Variants in RNF150 observed in about 807,000 individuals in gnomAD.
The protein encoded by RNF150 is ring finger protein 150.
A neutral mutation model predicts 39.3 loss-of-function variants in RNF150; 24 were observed. The ratio of observed to expected loss-of-function variants is 0.61; its 90% CI spans 0.44 to 0.86. RNF150 has a LOEUF of 0.86. Among genes scored for constraint, RNF150 ranks in the 40% least tolerant of loss-of-function variants. The pLI is 0.00. For missense variants in RNF150, 502 were observed against 587.8 expected, an observed-to-expected ratio of 0.85 and a Z score of 1.51; for synonymous variants, 255 against 227.3, an observed-to-expected ratio of 1.12 and a Z score of -1.10.
intron 1 of RNF150, among the ~76,000 whole-genome samples, chr4:141,164,770 C>T (rs1727571651): frequency 6.6e-6 from 1 of 152,192 alleles, no homozygotes; most frequent in Admixed American, 6.5e-5. Context: ...CATTTTGTCA[C>T]CACCAGGCTT....
At chr4:141,071,479 G>T in intron 1 of RNF150, among the ~76,000 whole-genome samples, 1 of 151,878 alleles carries the variant, frequency 6.6e-6, no homozygotes, top group Non-Finnish European at 1.5e-5. Flanking sequence ...CAAGAAAAAA[G>T]GAAATAGGAA....
intron 1 of RNF150, among the ~76,000 whole-genome samples, chr4:140,999,682 C>G (rs1470848959): frequency 6.6e-6 from 1 of 152,030 alleles, no homozygotes; most frequent in Non-Finnish European, 1.5e-5. Context: ...CATCTGTAAT[C>G]TCAGCACTTT....
chr4:141,018,037 G>A (rs1735345838), intron 1 of RNF150, among the ~76,000 whole-genome samples: 1 of 152,004 alleles, frequency 6.6e-6, no homozygotes, highest in African/African-American at 2.4e-5. Flanking sequence ...TAACAGTTAG[G>A]GGCTTAAAAG....
Position 141,183,751 on chromosome 4 carries a change from T to G in RNF150, c.-6+29043A>C, listed in dbSNP as rs185081611. ...CAACTCCCACTTATGAGTGAGAACA[T>G]GCACTGTTTGGTTTTCTGTTCCTGT... On this transcript the variant is annotated intron_variant, in intron 1 of 7. Transcript: ENST00000420921. Among the ~76,000 whole-genome samples the G allele has an allele frequency of 8.5e-5, 13 of 152,226 alleles. No homozygotes were observed. In the East Asian group the frequency reaches 1.9e-3, roughly 23 times the overall value.
chr4:141,206,506 C>G (rs17349862), intron 1 of RNF150, among the ~76,000 whole-genome samples: 92,673 of 150,582 alleles, frequency 0.62, 31,005 homozygotes, highest in African/African-American at 0.88. Flanking sequence ...GGTCATAAAG[C>G]TTTCAAATGA....
chr4:140,949,455 A>G, intron 2 of RNF150, 83 bp from the exon 3 acceptor site: 1 of 1,163,206 alleles, frequency 8.6e-7, no homozygotes, highest in Non-Finnish European at 1.3e-6. Context: ...ACACCAGGGC[A>G]GCTAGCTCTG....
At chr4:141,134,170 C>A (rs1353130229), upstream of RNF150, among the ~76,000 whole-genome samples, 1 of 152,174 alleles carries the variant, frequency 6.6e-6, no homozygotes, top group African/African-American at 2.4e-5. Flanking sequence ...GGACTCGCAG[C>A]ACCAACAGGC....
chr4:140,971,621 T>C (rs1733468896), intron 1 of RNF150, among the ~76,000 whole-genome samples: 2 of 152,134 alleles, frequency 1.3e-5, no homozygotes, highest in African/African-American at 4.8e-5. Flanking sequence ...AGGACACATA[T>C]GACCTGGCTG....
At chr4:141,072,510 A>T (rs1196093366) in intron 1 of RNF150, among the ~76,000 whole-genome samples, 3 of 152,212 alleles carry the variant, frequency 2.0e-5, no homozygotes, top group African/African-American at 7.2e-5. Context: ...TTTAAAATTT[A>T]TCTCATCTTT....
chr4:141,188,342 G>A (rs1243750527), intron 1 of RNF150, among the ~76,000 whole-genome samples: 18 of 152,094 alleles, frequency 1.2e-4, no homozygotes, highest in Admixed American at 1.2e-3. Flanking sequence ...TGTTCTTCTT[G>A]AGGAGTATCT....
chr4:140,994,140 G>A (rs1045518284), intron 1 of RNF150, among the ~76,000 whole-genome samples: 4 of 152,156 alleles, frequency 2.6e-5, no homozygotes, highest in Non-Finnish European at 5.9e-5. Context: ...AGAACTGCTC[G>A]TGGAAGGAAT....
intron 1 of RNF150, among the ~76,000 whole-genome samples, chr4:141,045,196 T>C (rs949482547): frequency 1.9e-4 from 29 of 152,210 alleles, no homozygotes; most frequent in Admixed American, 1.2e-3. Flanking sequence ...TGTAATGAAG[T>C]AGAATGCCAA....
At chr4:141,044,182 C>T (rs934958106) in intron 1 of RNF150, among the ~76,000 whole-genome samples, 10 of 152,126 alleles carry the variant, frequency 6.6e-5, no homozygotes, top group Admixed American at 2.0e-4. Context: ...CTTCTGGAAA[C>T]GGGAAGGCAT....
Position 140,934,368 on chromosome 4 carries a change from A to G in RNF150, c.891-8295T>C, listed in dbSNP as rs34660459. On this transcript the variant is annotated intron_variant, in intron 4 of 6. Transcript: ENST00000515673. Reference sequence around the variant, plus strand: ...CGGAAAAAAGCTGCAATATAGCACCAGTAGTAATCATATTCTGGCTGTAGT... The same window carrying G: ...CGGAAAAAAGCTGCAATATAGCACCGGTAGTAATCATATTCTGGCTGTAGT... Among the ~76,000 whole-genome samples the G allele has an allele frequency of 7.1e-3, 1,083 of 152,320 alleles. 10 individuals are homozygous for G. The highest frequency in any genetic ancestry group is 0.017 in the Middle Eastern group (5 of 294).
rs58176149 is a variant in RNF150, at chr4:141,206,419, C to CAAAAAAAA, written c.-6+6367_-6+6374dup. ...GGGTGACAACAATGAGACTCAATCT[C>CAAAAAAAA]AAAAAAAAAAAAAAAAAAAGAGTGT... On this transcript the variant is annotated intron_variant, in intron 1 of 7. Transcript: ENST00000420921. 1.1e-4 allele frequency among the ~76,000 whole-genome samples: 7 copies of CAAAAAAAA among 64,216 alleles called. 1 individual carries two copies. Among genetic ancestry groups the CAAAAAAAA allele is most frequent in the Non-Finnish European group, 1.8e-4 (6 of 32,488 alleles). The allele number at this position is 64,216 out of a possible 152,430, so 42.1% of individuals were successfully genotyped here. A position where few individuals can be genotyped will look rare whatever the true frequency, so the allele number is the denominator to read the frequency against.
chr4:140,896,122 A>G (rs867742897), intron 6 of RNF150, among the ~76,000 whole-genome samples: 4 of 95,004 alleles, frequency 4.2e-5, no homozygotes, highest in African/African-American at 8.6e-5. Flanking sequence ...TGTGGAAGTC[A>G]GTGTGGCGAT....
intron 1 of RNF150, among the ~76,000 whole-genome samples, chr4:141,153,252 A>C: frequency 6.6e-6 from 1 of 152,294 alleles, no homozygotes; most frequent in South Asian, 2.1e-4. Context: ...CGTTTATTGA[A>C]GTCCTAACTC....
intron 1 of RNF150, among the ~76,000 whole-genome samples, chr4:141,069,729 A>C (rs1286609838): frequency 6.6e-6 from 1 of 151,428 alleles, no homozygotes; most frequent in Non-Finnish European, 1.5e-5. Flanking sequence ...TTATTGCCAC[A>C]ATTTCAGCTC....
At chr4:140,881,337 A>AT (rs1167327120) in intron 6 of RNF150, among the ~76,000 whole-genome samples, 2 of 151,718 alleles carry the variant, frequency 1.3e-5, no homozygotes, top group Admixed American at 6.6e-5. Flanking sequence ...TAATTTTTGT[A>AT]TTTTTTTGTA....
Sources: gnomAD v4.1 joint callset for allele counts (sites outside exome capture counted in the v4.1 genomes callset) on GRCh38, gnomAD v4.1.1 for gene constraint, MANE v1.5 for transcripts, NCBI Gene and HGNC (gene_info 2026-07-23, HGNC 2026-07-21) for gene names.